Variants in EPB41L1 observed in about 807,000 individuals in gnomAD.
EPB41L1 encodes erythrocyte membrane protein band 4.1 like 1, also known as band 4.1-like protein 1.
EPB41L1 carries 29 observed loss-of-function variants against 97.8 expected under a neutral mutation model. That is an observed-to-expected ratio of 0.30 (90% confidence interval 0.22 to 0.40). The LOEUF (loss-of-function observed/expected upper bound fraction) is 0.40. EPB41L1 is among the 10% of genes least tolerant of loss of function. The pLI is 1.00. For synonymous variants in EPB41L1, 383 were observed against 459.2 expected (o/e 0.83, Z 2.12); for missense variants, 812 against 1,162.3 (o/e 0.70, Z 4.38).
At chr20:36,225,589 C>T (rs188529519) in intron 21 of EPB41L1, among the ~76,000 whole-genome samples, 329 of 152,282 alleles carry the variant, frequency 2.2e-3, no homozygotes, top group Non-Finnish European at 3.6e-3. Context: ...ACCGTAGGTC[C>T]GTTTCTTCCC....
chr20:36,211,647 G>C (rs942470420), intron 15 of EPB41L1, among the ~76,000 whole-genome samples: 1 of 151,534 alleles, frequency 6.6e-6, no homozygotes, highest in Admixed American at 6.6e-5. Context: ...TGAGGTCAGG[G>C]GTTCAAGAAC....
chr20:36,185,451 G>A, intron 7 of EPB41L1, 116 bp downstream of exon 7: 1 of 950,382 alleles, frequency 1.1e-6, no homozygotes, highest in Admixed American at 2.0e-5. Flanking sequence ...GCCTGGCTCT[G>A]CCCCTAGCTT....
chr20:36,096,565 T>G (rs867133128), intron 1 of EPB41L1, among the ~76,000 whole-genome samples: 1 of 152,232 alleles, frequency 6.6e-6, no homozygotes, highest in East Asian at 1.9e-4. Context: ...ACTCTTCCCC[T>G]GCTTCTTATC....
At chr20:36,098,516 C>T (rs1299934732) in intron 1 of EPB41L1, among the ~76,000 whole-genome samples, 1 of 152,190 alleles carries the variant, frequency 6.6e-6, no homozygotes. Flanking sequence ...CATTTCTTGG[C>T]TTGCAGCTGC....
At chr20:36,115,366 C>T (rs1250275677) in intron 2 of EPB41L1, among the ~76,000 whole-genome samples, 2 of 152,184 alleles carry the variant, frequency 1.3e-5, no homozygotes, top group East Asian at 3.8e-4. Context: ...CAGAGGCAGC[C>T]CAGTTCCAGG....
At chr20:36,128,028 A>G (rs555901855) in intron 2 of EPB41L1, among the ~76,000 whole-genome samples, 1 of 151,748 alleles carries the variant, frequency 6.6e-6, no homozygotes, top group Admixed American at 6.6e-5. Flanking sequence ...TGTCTGTTGC[A>G]GGGTGGGGCT....
chr20:36,205,720 G>A, intron 14 of EPB41L1: 2 of 927,824 alleles, frequency 2.2e-6, no homozygotes, highest in Non-Finnish European at 2.9e-6. Flanking sequence ...AGCCAGTTCT[G>A]GGGATGTGCT....
Position 36,207,450 on chromosome 20 carries a change from CA to C in EPB41L1, c.1669-2034del. ...ATATTAGCAAGACCTCAGTGGCCAA[CA>C]AAATTCGGATATTTGAGACCCACGG... On this transcript the variant is annotated intron_variant, in intron 14 of 21. Transcript: ENST00000338074. The surrounding 1 kb of genome is among the most constrained non-coding windows in gnomAD (Gnocchi z 4.9). 1 of 1,289,614 alleles carries C rather than the reference CA, an allele frequency of 7.8e-7. No homozygotes were observed. Among genetic ancestry groups the C allele is most frequent in the Non-Finnish European group, 1.0e-6 (1 of 988,862 alleles). The allele number at this position is 1,289,614 out of a possible 1,614,324, so 79.9% of individuals were successfully genotyped here.
upstream of EPB41L1, chr20:36,152,380 G>C (rs2060091490): frequency 6.5e-6 from 1 of 153,226 alleles, no homozygotes; most frequent in Admixed American, 6.5e-5. Flanking sequence ...GGGAAAGTGA[G>C]AGGCTCCATC....
At position 36,207,788 on chromosome 20, in the gene EPB41L1, G is replaced by A. The variant is rs1355457396; in HGVS notation, c.1669-1700G>A. The A allele has an allele frequency of 2.3e-6, 3 of 1,285,476 alleles. No individual in the cohort carries two copies. Among genetic ancestry groups the A allele is most frequent in the Non-Finnish European group, 3.0e-6 (3 of 986,008 alleles). 79.6% of individuals were successfully genotyped at this position (1,285,476 alleles called of 1,614,324 possible). A position where few individuals can be genotyped will look rare whatever the true frequency, so the allele number is the denominator to read the frequency against. ...GAAGCTACTGGAACTGGGGTAACTG[G>A]CCGCGTGAGCCCCCGCCCCCACCGC... is the stretch of plus-strand genomic sequence containing the variant. On this transcript the variant is annotated intron_variant, in intron 14 of 21. Transcript: ENST00000338074. This position sits in a 1 kb window ranked among gnomAD's most constrained non-coding sequence, Gnocchi z 4.9.
At position 36,147,648 on chromosome 20, in the gene EPB41L1, A is replaced by G. The variant is rs1346966098; in HGVS notation, c.-9-27903A>G. Among the ~76,000 whole-genome samples, 4 of 152,360 alleles carry G rather than the reference A, an allele frequency of 2.6e-5. No individual in the cohort carries two copies. The South Asian group carries it at 8.3e-4, about 32-fold the overall frequency. On this transcript the variant is annotated intron_variant, in intron 2 of 19. Coordinates refer to the EPB41L1 transcript ENST00000202028. ...AAGTTGCTAGGCACAGTGCCAGCAC[A>G]TAAGTGGGGACTCAGATGCTCTCTG...
intron 21 of EPB41L1, among the ~76,000 whole-genome samples, chr20:36,222,945 G>A (rs1168439062): frequency 1.1e-4 from 16 of 152,170 alleles, no homozygotes; most frequent in Admixed American, 1.0e-3. Flanking sequence ...CACCCAGGCT[G>A]GAGTGCAGTG....
At chr20:36,188,656 AG>A (rs2061802822) in intron 9 of EPB41L1, among the ~76,000 whole-genome samples, 157 bp downstream of exon 9, 1 of 151,508 alleles carries the variant, frequency 6.6e-6, no homozygotes, top group Non-Finnish European at 1.5e-5. Flanking sequence ...AGAGAGAGAG[AG>A]AGAGAGAGAG....
rs2061105405 is a variant in EPB41L1, at chr20:36,173,869, C to T, written c.92C>T (p.Pro31Leu). ...QPEAAAAVTT[P>L]VTPAGHGHPE... The stretch of plus-strand genomic sequence containing the variant: ...GAGGCTGCTGCCGCTGTGACCACCC[C>T]TGTGACCCCTGCAGGCCACGGCCAC... The change falls in exon 2 of 22, where the codon CCT (proline) becomes CTT (leucine). Residue 31 changes from proline to leucine, a missense_variant. Around this residue, in one of 3 missense-constraint regions of EPB41L1, gnomAD observed 84 missense variants for 94.3 expected, o/e 0.89. Coordinates refer to ENST00000338074, the MANE Select transcript of EPB41L1 (RefSeq NM_012156.2). The T allele has an allele frequency of 6.2e-7, 1 of 1,614,036 alleles. No homozygotes were observed. The highest frequency in any genetic ancestry group is 2.2e-5 in the East Asian group (1 of 44,870).
chr20:36,127,546 G>T (rs1471923391), intron 2 of EPB41L1, among the ~76,000 whole-genome samples: 3 of 152,168 alleles, frequency 2.0e-5, no homozygotes, highest in Non-Finnish European at 4.4e-5. Flanking sequence ...GGCAGCATCT[G>T]CCCCAGGCCT....
chr20:36,122,043 G>C (rs946552460), intron 2 of EPB41L1, among the ~76,000 whole-genome samples: 52 of 152,192 alleles, frequency 3.4e-4, no homozygotes, highest in Admixed American at 3.4e-3. Flanking sequence ...GCCTGGTGTC[G>C]TGTGCTCAGC....
intron 6 of EPB41L1, among the ~76,000 whole-genome samples, chr20:36,183,783 G>A (rs1449655211): frequency 6.6e-6 from 1 of 152,234 alleles, no homozygotes; most frequent in Non-Finnish European, 1.5e-5. Context: ...CCATAAGCCT[G>A]TACTCGGTGC....
At chr20:36,173,996 C>G in intron 2 of EPB41L1, 42 bp downstream of exon 2, 1 of 1,580,914 alleles carries the variant, frequency 6.3e-7, no homozygotes, top group Non-Finnish European at 8.6e-7. Flanking sequence ...CTGCCCAGAC[C>G]GTCCTCCAGG....
upstream of EPB41L1, among the ~76,000 whole-genome samples, chr20:36,154,495 TGA>T (rs2060192660): frequency 7.0e-6 from 1 of 143,416 alleles, no homozygotes; most frequent in African/African-American, 2.6e-5. The surrounding 1 kb of genome is among the most constrained non-coding windows in gnomAD (Gnocchi z 5.5). Flanking sequence ...CCTGGGAGCC[TGA>T]GAGAGAGGGC....
Sources: allele counts gnomAD v4.1 joint callset (sites outside exome capture counted in the v4.1 genomes callset), GRCh38; gene constraint gnomAD v4.1.1; regional missense constraint gnomAD v4.1.1; non-coding constraint Gnocchi (gnomAD v3.1); transcripts MANE v1.5; gene names NCBI Gene and HGNC (gene_info 2026-07-23, HGNC 2026-07-21).